The following DLD variants were observed in gnomAD, a reference collection of about 807,000 sequenced individuals.
DLD encodes dihydrolipoyl dehydrogenase, mitochondrial.
Under a neutral mutation model 62.2 loss-of-function variants are expected in DLD, and 36 were observed. The ratio of observed to expected loss-of-function variants is 0.58; its 90% CI spans 0.44 to 0.76. The LOEUF is 0.76. Among genes scored for constraint, DLD ranks in the 30% least tolerant of loss-of-function variants. The pLI, the probability that DLD is intolerant of heterozygous loss-of-function variation, is 0.00. For synonymous variants in DLD, 204 were observed against 199.6 expected, an observed-to-expected ratio of 1.02 and a Z score of -0.19; for missense variants, 541 against 608.6, an observed-to-expected ratio of 0.89 and a Z score of 1.17.
chr7:107,901,396 C>A (rs1339764507), intron 2 of DLD, among the ~76,000 whole-genome samples: 1 of 152,130 alleles, frequency 6.6e-6, no homozygotes, highest in Non-Finnish European at 1.5e-5. Flanking sequence ...TTGCTTCATA[C>A]ATACTTGTCT....
chr7:107,909,253 T>A (rs1374256709), intron 8 of DLD, among the ~76,000 whole-genome samples: 1 of 152,244 alleles, frequency 6.6e-6, no homozygotes, highest in Non-Finnish European at 1.5e-5. Context: ...AATCTATATC[T>A]TAGTCTTGAT....
chr7:107,919,574 T>G lies in DLD; in HGVS notation c.*315T>G, dbSNP rs2032358611. 4.5e-6 allele frequency: 1 copy of G among 224,516 alleles called. No individual in the cohort carries two copies. Among genetic ancestry groups the G allele is most frequent in the Admixed American group, 5.2e-5 (1 of 19,204 alleles). 13.9% of individuals were successfully genotyped at this position (224,516 alleles called of 1,614,324 possible). On this transcript the variant is annotated 3_prime_UTR_variant, in exon 14 of 14. Transcript: ENST00000205402. ...TGCCCCTGAATTTAAATAGCTTTTTTCTCTGATACAGAAAAGTTGAATTTT... is the reference window on the plus strand; with the variant it reads ...TGCCCCTGAATTTAAATAGCTTTTTGCTCTGATACAGAAAAGTTGAATTTT...
intron 2 of DLD, 166 bp downstream of exon 2, chr7:107,893,444 C>T (rs2031641622): frequency 2.2e-5 from 11 of 503,736 alleles, no homozygotes; most frequent in Admixed American, 2.0e-4. Flanking sequence ...GTGTTCCAGG[C>T]GGTGAACAAG....
chr7:107,892,711 A>G (rs971465068), intron 1 of DLD, among the ~76,000 whole-genome samples: 3 of 151,910 alleles, frequency 2.0e-5, no homozygotes, highest in African/African-American at 4.8e-5. Context: ...ACACCCGGCT[A>G]ATTTTCTTGT....
In DLD at chr7:107,905,469, A is replaced by G. The variant is rs768285197; in HGVS notation, c.547A>G (p.Thr183Ala). 2.5e-6 allele frequency: 4 copies of G among 1,613,732 alleles called. No homozygotes were observed. Reference protein sequence around the residue: ...VIDTKNILIATGSEVTPFPGI... With the variant: ...VIDTKNILIAAGSEVTPFPGI... ...TGATACAAAGAACATTCTTATAGCC[A>G]CGGGTTCAGAAGTTACTCCTTTTCC... Residue 183 changes from threonine (T) to alanine (A), a missense_variant, in exon 7 of 14, where the codon ACG becomes GCG. By Grantham distance (58) the Thr-to-Ala change is moderately conservative. Coordinates refer to ENST00000205402, the MANE Select transcript of DLD (RefSeq NM_000108.5).
intron 1 of DLD, 26 bp downstream of exon 1, chr7:107,891,315 G>A (rs776399046): frequency 6.2e-7 from 1 of 1,613,920 alleles, no homozygotes; most frequent in South Asian, 1.1e-5. Context: ...GTGAGGTCGT[G>A]TTGAGCCAGA....
At chr7:107,907,121 A>G (rs774997149) in intron 8 of DLD, among the ~76,000 whole-genome samples, 1 of 152,152 alleles carries the variant, frequency 6.6e-6, no homozygotes, top group Non-Finnish European at 1.5e-5. Context: ...GCCATAGTCC[A>G]TCACTTTAAC....
chr7:107,905,317 A>G, intron 6 of DLD, 44 bp from the exon 7 acceptor site: 1 of 1,570,046 alleles, frequency 6.4e-7, no homozygotes, highest in Non-Finnish European at 8.8e-7. Context: ...TTATCAAACA[A>G]ATTACTTTAA....
chr7:107,914,151 A>C (rs2032208833), intron 8 of DLD, among the ~76,000 whole-genome samples: 1 of 152,098 alleles, frequency 6.6e-6, no homozygotes, highest in African/African-American at 2.4e-5. Flanking sequence ...TTCTCTAATG[A>C]CTTACGGGGT....
intron 8 of DLD, among the ~76,000 whole-genome samples, chr7:107,912,628 T>G (rs2032170963): frequency 6.6e-6 from 1 of 152,192 alleles, no homozygotes; most frequent in Admixed American, 6.5e-5. Flanking sequence ...GAATGTTTTC[T>G]TTTGAGAAAT....
intron 4 of DLD, 33 bp downstream of exon 4, chr7:107,902,426 T>C: frequency 6.3e-7 from 1 of 1,596,156 alleles, no homozygotes; most frequent in South Asian, 1.1e-5. Flanking sequence ...ACAGAGATTG[T>C]TTTTGGCTAG....
chr7:107,912,652 T>G (rs1233140136), intron 8 of DLD, among the ~76,000 whole-genome samples: 1 of 152,056 alleles, frequency 6.6e-6, no homozygotes, highest in African/African-American at 2.4e-5. Context: ...TATTCGGATC[T>G]GGTGCTCATT....
In DLD at chr7:107,919,039, T is replaced by C. The variant is rs2032341201; in HGVS notation, c.1404T>C (p.Ala468=). The C allele has an allele frequency of 6.2e-7, 1 of 1,614,024 alleles. No individual in the cohort carries two copies. Among genetic ancestry groups the C allele is most frequent in the Non-Finnish European group, 8.5e-7 (1 of 1,179,896 alleles). Residue 468 remains alanine (A), a synonymous_variant, in exon 13 of 14, where the codon GCT becomes GCC. Coordinates refer to ENST00000205402, the MANE Select transcript of DLD (RefSeq NM_000108.5). ...CTGGAGAAATGGTAAATGAAGCTGC[T>C]CTTGCTTTGGAATATGGAGCATCCT... ...PGAGEMVNEA[A]LALEYGASCE...
chr7:107,893,868 A>G (rs1371960501), intron 2 of DLD, among the ~76,000 whole-genome samples: 1 of 152,228 alleles, frequency 6.6e-6, no homozygotes, highest in African/African-American at 2.4e-5. Context: ...TGGGAAACAA[A>G]GGTTTTGAGC....
In DLD at chr7:107,915,531, C is replaced by G. The variant is rs1425825210; in HGVS notation, c.710C>G (p.Ala237Gly). ...ELGSVWQRLG[A>G]DVTAVEFLGH... ...GGTTCAGTTTGGCAAAGACTTGGTG[C>G]AGATGTGACAGCAGTTGAATTTTTA... Residue 237 changes from alanine (A) to glycine (G), a missense_variant, in exon 9 of 14, where the codon GCA becomes GGA. Coordinates refer to ENST00000205402, the MANE Select transcript of DLD (RefSeq NM_000108.5). The G allele has an allele frequency of 6.2e-7, 1 of 1,613,786 alleles. No homozygotes were observed. The highest frequency in any genetic ancestry group is 8.5e-7 in the Non-Finnish European group (1 of 1,179,884).
At chr7:107,915,016 C>T (rs2032233121) in intron 8 of DLD, among the ~76,000 whole-genome samples, 1 of 152,162 alleles carries the variant, frequency 6.6e-6, no homozygotes, top group Admixed American at 6.5e-5. Flanking sequence ...AACACTCTTG[C>T]CCCAGTTAAC....
chr7:107,892,193 C>T (rs1189445275), intron 1 of DLD, among the ~76,000 whole-genome samples: 1 of 152,162 alleles, frequency 6.6e-6, no homozygotes, highest in East Asian at 1.9e-4. Flanking sequence ...CACTGCCGCC[C>T]ATTTTCCTGC....
intron 2 of DLD, among the ~76,000 whole-genome samples, chr7:107,898,368 C>G (rs2031787289): frequency 6.7e-6 from 1 of 150,148 alleles, no homozygotes; most frequent in Non-Finnish European, 1.5e-5. Context: ...GCGACGTCCC[C>G]CTCCTGGGTT....
intron 8 of DLD, 102 bp from the exon 9 acceptor site, chr7:107,915,404 A>C: frequency 8.0e-7 from 1 of 1,256,050 alleles, no homozygotes; most frequent in Non-Finnish European, 1.1e-6. Context: ...GGAACATACT[A>C]GCGAAAGAAG....
Sources: gnomAD v4.1 joint callset for allele counts (sites outside exome capture counted in the v4.1 genomes callset) on GRCh38, gnomAD v4.1.1 for gene constraint, MANE v1.5 for transcripts, NCBI Gene and HGNC (gene_info 2026-07-23, HGNC 2026-07-21) for gene names.